ANXA8: variants seen among roughly 807,000 people sequenced by gnomAD.
ANXA8 encodes the protein annexin A8.
A neutral mutation model predicts 26.8 loss-of-function variants in ANXA8; 9 were observed. That is an observed-to-expected ratio of 0.34 (90% CI 0.20 to 0.59). The LOEUF is 0.59. Ranked by LOEUF, ANXA8 falls within the 20% of genes least tolerant of loss-of-function variation. ANXA8 has a pLI of 0.84. For missense variants in ANXA8, 83 were observed against 238.5 expected, an observed-to-expected ratio of 0.35 and a Z score of 4.29; for synonymous variants, 39 against 94.8, an observed-to-expected ratio of 0.41 and a Z score of 3.42.
At chr10:47,481,545 C>T (rs1202332069) in intron 1 of ANXA8, among the ~76,000 whole-genome samples, 11 of 150,354 alleles carry the variant, frequency 7.3e-5, no homozygotes, top group Non-Finnish European at 1.3e-4. Flanking sequence ...TGCCTGCCGG[C>T]TTCCCTCTGC....
the ANXA8 span, among the ~76,000 whole-genome samples, chr10:47,584,245 C>T: frequency 2.7e-5 from 4 of 149,368 alleles, no homozygotes; most frequent in African/African-American, 1.0e-4. Context: ...AGACCAGACC[C>T]TAGGAGGGTG....
At chr10:47,676,164 GAAA>G in the ANXA8 span, among the ~76,000 whole-genome samples, 1 of 151,700 alleles carries the variant, frequency 6.6e-6, no homozygotes, top group Admixed American at 6.6e-5. Context: ...GGGAGGGGTA[GAAA>G]AGAGATTTTA....
chr10:47,702,619 G>A, the ANXA8 span, among the ~76,000 whole-genome samples: 57 of 151,566 alleles, frequency 3.8e-4, 1 homozygote, highest in Non-Finnish European at 5.6e-4. Flanking sequence ...GAGATTGCAC[G>A]TGTGAGCCAC....
the ANXA8 span, among the ~76,000 whole-genome samples, chr10:47,680,499 G>A: frequency 6.6e-6 from 1 of 151,812 alleles, no homozygotes; most frequent in Non-Finnish European, 1.5e-5. Context: ...GCTGGGTGTG[G>A]TGGTGCATGC....
the ANXA8 span, among the ~76,000 whole-genome samples, chr10:47,612,674 C>T: frequency 2.8e-5 from 2 of 72,430 alleles, no homozygotes; most frequent in Non-Finnish European, 7.0e-5. Flanking sequence ...TGGATTAATC[C>T]ATCGATAAGT....
At chr10:47,958,433 C>T in the ANXA8 span, among the ~76,000 whole-genome samples, 5 of 146,224 alleles carry the variant, frequency 3.4e-5, no homozygotes, top group Non-Finnish European at 5.9e-5. Context: ...CAGCCGAGAT[C>T]GAGCCACTGC....
chr10:47,720,975 C>T, the ANXA8 span, among the ~76,000 whole-genome samples: 6 of 131,576 alleles, frequency 4.6e-5, no homozygotes, highest in African/African-American at 1.7e-4. Flanking sequence ...AGGGAAACCC[C>T]ATCTCTACCA....
chr10:47,584,189 C>G, the ANXA8 span, among the ~76,000 whole-genome samples: 1 of 149,598 alleles, frequency 6.7e-6, no homozygotes, highest in South Asian at 2.1e-4. Context: ...GACAAAAAAA[C>G]AACTGGTAGG....
At chr10:47,577,121 A>C in the ANXA8 span, among the ~76,000 whole-genome samples, 1 of 148,620 alleles carries the variant, frequency 6.7e-6, no homozygotes, top group African/African-American at 2.5e-5. Flanking sequence ...CAGCTGACTG[A>C]GGCTGAGACA....
At chr10:47,693,621 A>C in the ANXA8 span, among the ~76,000 whole-genome samples, 1 of 151,858 alleles carries the variant, frequency 6.6e-6, no homozygotes, top group Non-Finnish European at 1.5e-5. Flanking sequence ...GGTAAACACA[A>C]AATTGTAATG....
chr10:47,749,453 T>C, the ANXA8 span, among the ~76,000 whole-genome samples: 2 of 148,974 alleles, frequency 1.3e-5, no homozygotes, highest in African/African-American at 2.5e-5. Flanking sequence ...AATGTCTCGT[T>C]AGGTGTAAAA....
chr10:47,672,239 T>A, the ANXA8 span, among the ~76,000 whole-genome samples: 2 of 150,244 alleles, frequency 1.3e-5, no homozygotes, highest in African/African-American at 5.0e-5. Flanking sequence ...TTAATTGTCT[T>A]ATTCTATTGT....
the ANXA8 span, among the ~76,000 whole-genome samples, chr10:47,658,732 T>C: frequency 7.1e-6 from 1 of 140,498 alleles, no homozygotes; most frequent in African/African-American, 2.9e-5. Context: ...CCCTTGCAAC[T>C]TCTGTAACCT....
intron 11 of ANXA8, among the ~76,000 whole-genome samples, chr10:47,470,174 G>A (rs1389199693): frequency 6.6e-6 from 1 of 151,910 alleles, no homozygotes; most frequent in African/African-American, 2.4e-5. Context: ...CAATGCAGGA[G>A]TTTTTAACTC....
the ANXA8 span, among the ~76,000 whole-genome samples, chr10:47,533,214 C>A: frequency 7.1e-6 from 1 of 141,658 alleles, no homozygotes; most frequent in Non-Finnish European, 1.5e-5. Flanking sequence ...CACACACACA[C>A]ACACACACAC....
chr10:47,956,543 C>T, the ANXA8 span, among the ~76,000 whole-genome samples: 4 of 147,266 alleles, frequency 2.7e-5, no homozygotes, highest in Non-Finnish European at 6.0e-5. Context: ...GTAGGGAATA[C>T]CCTACTCGCA....
chr10:47,960,534 A>C, the ANXA8 span, among the ~76,000 whole-genome samples: 2 of 150,012 alleles, frequency 1.3e-5, no homozygotes, highest in Admixed American at 1.3e-4. Flanking sequence ...TGCTTTATGC[A>C]TATGCTAAGA....
chr10:47,519,048 A>C, the ANXA8 span, among the ~76,000 whole-genome samples: 2 of 135,078 alleles, frequency 1.5e-5, no homozygotes, highest in Admixed American at 7.5e-5. Context: ...TCATGTTAAC[A>C]TGTGACCCTT....
At chr10:47,495,289 A>ATTAT in the ANXA8 span, among the ~76,000 whole-genome samples, 10 of 100,558 alleles carry the variant, frequency 9.9e-5, 1 homozygote, top group East Asian at 1.3e-3. Context: ...TATTATTATT[A>ATTAT]TTATTATTAT....
Sources: allele counts gnomAD v4.1 joint callset (sites outside exome capture counted in the v4.1 genomes callset), GRCh38; gene constraint gnomAD v4.1.1; transcripts MANE v1.5; gene names NCBI Gene and HGNC (gene_info 2026-07-23, HGNC 2026-07-21).